Variants in ZFHX3 observed in about 807,000 individuals in gnomAD.
ZFHX3 encodes zinc finger homeobox protein 3.
Under a neutral mutation model 279.1 loss-of-function variants are expected in ZFHX3, and 42 were observed. That is an observed-to-expected ratio of 0.15 (90% confidence interval 0.12 to 0.19). The LOEUF is 0.19. Among genes scored for constraint, ZFHX3 ranks in the 10% least tolerant of loss-of-function variants. The pLI, the probability that ZFHX3 is intolerant of heterozygous loss-of-function variation, is 1.00. For synonymous variants in ZFHX3, 2,293 were observed against 1,957.8 expected, an observed-to-expected ratio of 1.17 and a Z score of -4.52; for missense variants, 4,981 against 4,754.0, an observed-to-expected ratio of 1.05 and a Z score of -1.40.
chr16:73,257,811 G>C (rs931598420), intron 4 of ZFHX3, among the ~76,000 whole-genome samples: 1 of 152,246 alleles, frequency 6.6e-6, no homozygotes, highest in African/African-American at 2.4e-5. Context: ...TTACAGGTTG[G>C]TTATACAGGC....
rs374201548 is a variant in ZFHX3, at chr16:73,653,120, A to G, written c.-1547+27060T>C. ...AGATTTTAAAACAAAAAGTATTGAC[A>G]AAGAATGTTACTTTATTGTAATAAA... On this transcript the variant is annotated intron_variant, in intron 2 of 17. Coordinates refer to the ZFHX3 transcript ENST00000641206. Among the ~76,000 whole-genome samples, 23 of 152,324 alleles carry G rather than the reference A, an allele frequency of 1.5e-4. No homozygotes were observed. The East Asian group carries it at 4.0e-3, about 27-fold the overall frequency.
At chr16:73,346,529 A>G (rs991665318) in intron 3 of ZFHX3, among the ~76,000 whole-genome samples, 1 of 152,158 alleles carries the variant, frequency 6.6e-6, no homozygotes, top group Non-Finnish European at 1.5e-5. Flanking sequence ...TGGAGTGCAG[A>G]GGTGCGATCT....
At chr16:73,174,130 T>C (rs774443775) in intron 5 of ZFHX3, among the ~76,000 whole-genome samples, 5 of 152,156 alleles carry the variant, frequency 3.3e-5, no homozygotes, top group Admixed American at 1.3e-4. Context: ...CACCTTTTTT[T>C]CCTTAACTTC....
In ZFHX3 at chr16:73,746,838, C is replaced by T. The variant is rs1007703218; in HGVS notation, c.-1607-66598G>A. ...TATATTTAATTACCCAGAGTCTAAA[C>T]TTTCCTACTATTAAGAGACTAGCCT... On this transcript the variant is annotated intron_variant, in intron 1 of 17. Coordinates refer to the ZFHX3 transcript ENST00000641206. Among the ~76,000 whole-genome samples the T allele has an allele frequency of 3.3e-5, 5 of 152,182 alleles. No homozygotes were observed. The South Asian group carries it at 1.0e-3, about 32-fold the overall frequency.
At chr16:73,228,182 T>C (rs61301583) in intron 5 of ZFHX3, among the ~76,000 whole-genome samples, 4,760 of 152,314 alleles carry the variant, frequency 0.031, 262 homozygotes, top group African/African-American at 0.11. Flanking sequence ...CTGGTTAACA[T>C]TGAAGCCACA....
At chr16:73,810,603 C>A (rs937069708) in intron 1 of ZFHX3, among the ~76,000 whole-genome samples, 1 of 152,090 alleles carries the variant, frequency 6.6e-6, no homozygotes, top group African/African-American at 2.4e-5. Context: ...AGCCTTAATG[C>A]AACCCTATAA....
chr16:73,502,616 C>T (rs1259392384), intron 2 of ZFHX3, among the ~76,000 whole-genome samples: 1 of 152,182 alleles, frequency 6.6e-6, no homozygotes, highest in Non-Finnish European at 1.5e-5. Flanking sequence ...CTGAGAACCA[C>T]ACTAAAGTAA....
intron 2 of ZFHX3, among the ~76,000 whole-genome samples, chr16:73,466,680 C>T (rs966136075): frequency 1.3e-5 from 2 of 152,170 alleles, no homozygotes; most frequent in Non-Finnish European, 2.9e-5. Flanking sequence ...TAGATGACTC[C>T]TGGCACATTC....
intron 4 of ZFHX3, among the ~76,000 whole-genome samples, chr16:73,260,190 A>C (rs191889050): frequency 6.6e-6 from 1 of 152,228 alleles, no homozygotes; most frequent in Admixed American, 6.5e-5. Flanking sequence ...GATTAGATTC[A>C]GGGTATGCAT....
At chr16:73,798,608 C>G (rs1960063268) in intron 1 of ZFHX3, among the ~76,000 whole-genome samples, 1 of 152,066 alleles carries the variant, frequency 6.6e-6, no homozygotes, top group South Asian at 2.1e-4. Context: ...CACAGGCACA[C>G]ATCTTGTGGG....
At chr16:73,421,244 G>A (rs562351561) in intron 3 of ZFHX3, 19 of 152,220 alleles carry the variant, frequency 1.2e-4, no homozygotes, top group African/African-American at 2.9e-4. Context: ...CAGCTTTCAC[G>A]GGGCACTGTG....
chr16:73,450,985 T>C (rs1277049230), intron 3 of ZFHX3, among the ~76,000 whole-genome samples: 1 of 152,212 alleles, frequency 6.6e-6, no homozygotes, highest in Admixed American at 6.5e-5. Context: ...AACTCTACTT[T>C]CAACTAATGG....
chr16:72,855,759 C>G (rs1449803859), intron 4 of ZFHX3, among the ~76,000 whole-genome samples: 1 of 152,100 alleles, frequency 6.6e-6, no homozygotes, highest in Non-Finnish European at 1.5e-5. Context: ...CCAATTATTC[C>G]AGCACGTGAA....
Position 72,797,876 on chromosome 16 carries a change from A to G in ZFHX3, c.4806T>C (p.Asn1602=), listed in dbSNP as rs1597243938. 4 of 1,614,138 alleles carry G rather than the reference A, an allele frequency of 2.5e-6. No homozygotes were observed. The highest frequency in any genetic ancestry group is 1.6e-4 in the Middle Eastern group (1 of 6,062). The stretch of plus-strand genomic sequence containing the variant: ...GAGTGGAACTCTGGCTGTAGGCCAC[A>G]TTACAAGTGTTACACTTAAAAGGTT... ...DNKPFKCNTC[N]VAYSQSSTLE... The change falls in exon 9 of 10, where the codon AAT becomes AAC. Residue 1602 remains asparagine (N), a synonymous_variant. Coordinates refer to ENST00000268489, the MANE Select transcript of ZFHX3 (RefSeq NM_006885.4).
chr16:73,582,026 C>T (rs1434821345), intron 2 of ZFHX3, among the ~76,000 whole-genome samples: 1 of 151,762 alleles, frequency 6.6e-6, no homozygotes. Flanking sequence ...TACATGCTTC[C>T]CCTTCCTTTC....
intron 2 of ZFHX3, among the ~76,000 whole-genome samples, chr16:73,626,424 A>G (rs2052417440): frequency 6.6e-6 from 1 of 152,112 alleles, no homozygotes; most frequent in African/African-American, 2.4e-5. Context: ...GGAAATTTGT[A>G]CCCATATTTC....
chr16:72,930,128 G>A (rs1959707584), intron 3 of ZFHX3, among the ~76,000 whole-genome samples: 1 of 152,198 alleles, frequency 6.6e-6, no homozygotes, highest in African/African-American at 2.4e-5. Flanking sequence ...TGAGGCAGGA[G>A]AATCACTTGA....
intron 1 of ZFHX3, among the ~76,000 whole-genome samples, chr16:73,889,819 C>T (rs981052391): frequency 6.6e-6 from 1 of 152,176 alleles, no homozygotes; most frequent in African/African-American, 2.4e-5. Flanking sequence ...AGGCCAATCC[C>T]ATCCCCGCCC....
chr16:73,288,076 G>A (rs2014674564), intron 4 of ZFHX3, among the ~76,000 whole-genome samples: 1 of 151,986 alleles, frequency 6.6e-6, no homozygotes, highest in African/African-American at 2.4e-5. Flanking sequence ...CTCTGACCCT[G>A]CACATTTGCT....
Sources: allele counts gnomAD v4.1 joint callset (sites outside exome capture counted in the v4.1 genomes callset), GRCh38; gene constraint gnomAD v4.1.1; transcripts MANE v1.5; gene names NCBI Gene and HGNC (gene_info 2026-07-23, HGNC 2026-07-21).